COPB2: variants seen among roughly 807,000 people sequenced by gnomAD.
The protein encoded by COPB2 is coatomer subunit beta'.
In COPB2, 16 loss-of-function variants were observed where a neutral mutation model predicts 120.8. The observed-to-expected ratio is 0.13, with a 90% CI of 0.09 to 0.20. COPB2 has a LOEUF of 0.20. COPB2 is among the 10% of genes least tolerant of loss of function. COPB2 has a pLI of 1.00. For missense variants in COPB2, 794 were observed against 1,076.5 expected, an observed-to-expected ratio of 0.74 and a Z score of 3.67; for synonymous variants, 332 against 366.3, an observed-to-expected ratio of 0.91 and a Z score of 1.07.
intron 1 of COPB2, chr3:139,388,144 A>G (rs1309347778): frequency 6.6e-6 from 1 of 152,204 alleles, no homozygotes; most frequent in African/African-American, 2.4e-5. Context: ...AGCCTTTTCC[A>G]AAAACGTCCA....
chr3:139,368,347 T>C, intron 12 of COPB2, 59 bp from the exon 13 acceptor site: 1 of 1,508,562 alleles, frequency 6.6e-7, no homozygotes, highest in Non-Finnish European at 9.0e-7. Flanking sequence ...TATGACAAAC[T>C]GCACATACTT....
intron 6 of COPB2, 28 bp downstream of exon 6, chr3:139,375,440 A>G: frequency 2.5e-6 from 4 of 1,598,552 alleles, no homozygotes; most frequent in Non-Finnish European, 3.4e-6. Context: ...TATCTAACAT[A>G]TGGAAGTAAG....
intron 5 of COPB2, among the ~76,000 whole-genome samples, chr3:139,377,536 G>A (rs1050696973): frequency 3.3e-5 from 5 of 152,208 alleles, no homozygotes; most frequent in African/African-American, 1.2e-4. Context: ...CATAATATTA[G>A]CCCAGGCTAG....
chr3:139,358,212 G>T lies in COPB2; in HGVS notation c.2613C>A (p.Asn871Lys), dbSNP rs748267257. Residue 871 changes from asparagine to lysine, a missense_variant, in exon 21 of 22, where the codon AAC becomes AAA. Around this residue, in one of 3 missense-constraint regions of COPB2, gnomAD observed 178 missense variants for 183.2 expected, o/e 0.97. Transcript: ENST00000333188. The stretch of plus-strand genomic sequence containing the variant: ...ATGTCTGACCTACCTTTTCTTCTTT[G>T]TTGGCTGTGTGGGAGGCCACAATAA... ...TPVIVASHTA[N>K]KEEKSLLELE... The T allele has an allele frequency of 6.2e-7, 1 of 1,613,968 alleles. No homozygotes were observed. Among genetic ancestry groups the T allele is most frequent in the Non-Finnish European group, 8.5e-7 (1 of 1,179,958 alleles).
intron 17 of COPB2, among the ~76,000 whole-genome samples, chr3:139,359,622 A>G (rs1276178468): frequency 6.6e-6 from 1 of 152,132 alleles, no homozygotes; most frequent in Admixed American, 6.5e-5. Flanking sequence ...GCTTTTCAAG[A>G]GGAGTTAAGG....
Position 139,379,097 on chromosome 3 carries a change from A to G in COPB2, c.305T>C (p.Ile102Thr). ...VHMFEAHSDY[I>T]RCIAVHPTQP... ...GGTTGGATGAACAGCAATACAGCGAATGTAGTCTGAGTGTGCTTCAAACAT... is the reference window on the plus strand; with the variant it reads ...GGTTGGATGAACAGCAATACAGCGAGTGTAGTCTGAGTGTGCTTCAAACAT... Residue 102 changes from isoleucine to threonine, a missense_variant, in exon 4 of 22, where the codon ATT (isoleucine) becomes ACT (threonine). Physicochemically the swap from Ile to Thr is moderately conservative, Grantham distance 89. This residue lies in a region of COPB2 where 610 missense variants were observed against 866.7 expected (regional missense o/e 0.70). Coordinates refer to ENST00000333188, the MANE Select transcript of COPB2 (RefSeq NM_004766.3). 6.2e-7 allele frequency: 1 copy of G among 1,612,874 alleles called. No homozygotes were observed. The highest frequency in any genetic ancestry group is 8.5e-7 in the Non-Finnish European group (1 of 1,179,668).
intron 5 of COPB2, among the ~76,000 whole-genome samples, chr3:139,375,879 G>A (rs1046473986): frequency 1.1e-4 from 17 of 152,098 alleles, no homozygotes; most frequent in Admixed American, 4.6e-4. Flanking sequence ...CCACAGTGAC[G>A]CCCAGGAATC....
intron 6 of COPB2, among the ~76,000 whole-genome samples, chr3:139,375,263 A>C: frequency 6.6e-6 from 1 of 152,214 alleles, no homozygotes; most frequent in Non-Finnish European, 1.5e-5. Context: ...TGAAATATGA[A>C]CATGTTGGTA....
intron 1 of COPB2, among the ~76,000 whole-genome samples, chr3:139,388,718 C>T (rs1941985727): frequency 1.3e-5 from 2 of 150,600 alleles, no homozygotes; most frequent in Admixed American, 6.6e-5. Flanking sequence ...CTCTGCCTCC[C>T]GGGTTCAAGC....
intron 12 of COPB2, among the ~76,000 whole-genome samples, chr3:139,368,722 T>G (rs1941568677): frequency 6.6e-6 from 1 of 152,176 alleles, no homozygotes; most frequent in Non-Finnish European, 1.5e-5. Flanking sequence ...TATGCTTTAT[T>G]CATAAAGAGT....
chr3:139,385,433 G>C (rs898219161), intron 1 of COPB2: 2 of 152,044 alleles, frequency 1.3e-5, no homozygotes, highest in African/African-American at 4.8e-5. Context: ...TGAAGTCCTA[G>C]TAACCATAAA....
At chr3:139,368,073 G>A in intron 13 of COPB2, 72 bp downstream of exon 13, 1 of 1,478,000 alleles carries the variant, frequency 6.8e-7, no homozygotes, top group Non-Finnish European at 9.1e-7. Context: ...GTTAAAATCA[G>A]TAAAGTCTGT....
chr3:139,379,449 A>C lies in COPB2; in HGVS notation c.159T>G (p.Phe53Leu). 2.5e-6 allele frequency: 4 copies of C among 1,614,072 alleles called. No individual in the cohort carries two copies. The highest frequency in any genetic ancestry group is 3.4e-6 in the Non-Finnish European group (4 of 1,179,968). ...NHETQTLVKT[F>L]EVCDLPVRAA... is the part of the protein sequence containing the mutation. Reference sequence around the variant, plus strand: ...CTCGAACAGGAAGATCACATACTTCAAATGTCTTCACCAGTGTCTTTAAAA... The same window carrying C: ...CTCGAACAGGAAGATCACATACTTCCAATGTCTTCACCAGTGTCTTTAAAA... The change falls in exon 3 of 22, where the codon TTT becomes TTG. Residue 53 changes from phenylalanine (F) to leucine (L), a missense_variant. This residue lies in a region of COPB2 where 610 missense variants were observed against 866.7 expected (regional missense o/e 0.70). Coordinates refer to ENST00000333188, the MANE Select transcript of COPB2 (RefSeq NM_004766.3).
Position 139,379,452 on chromosome 3 carries a change from T to C in COPB2, c.156A>G (p.Thr52=), listed in dbSNP as rs770419250. The C allele has an allele frequency of 1.2e-6, 2 of 1,614,004 alleles. No individual in the cohort carries two copies. Among genetic ancestry groups the C allele is most frequent in the South Asian group, 2.2e-5 (2 of 91,044 alleles). The part of the protein sequence containing the change: ...WNHETQTLVK[T]FEVCDLPVRA... ...GAACAGGAAGATCACATACTTCAAA[T>C]GTCTTCACCAGTGTCTTTAAAATGT... is the stretch of plus-strand genomic sequence containing the variant. The change falls in exon 3 of 22, where the codon ACA becomes ACG. Residue 52 remains threonine (T), a synonymous_variant. Transcript: ENST00000333188.
At chr3:139,382,896 A>C in intron 2 of COPB2, 1 of 190,436 alleles carries the variant, frequency 5.3e-6, no homozygotes, top group Non-Finnish European at 1.1e-5. Context: ...TGGCTGAGTG[A>C]AAGATTTATC....
rs1442339168 is a variant in COPB2, at chr3:139,389,632, G to T, written c.-82C>A. On this transcript the variant is annotated 5_prime_UTR_variant, in exon 1 of 22. Transcript: ENST00000333188. Reference sequence around the variant, plus strand: ...AGATAAACCCACCGATCCACTGACCGTCAGACTGACTGACGTGGAACTTCC... The same window carrying T: ...AGATAAACCCACCGATCCACTGACCTTCAGACTGACTGACGTGGAACTTCC... The T allele has an allele frequency of 1.4e-6, 2 of 1,395,196 alleles. No homozygotes were observed. The highest frequency in any genetic ancestry group is 2.0e-6 in the Non-Finnish European group (2 of 1,017,568). The allele number at this position is 1,395,196 out of a possible 1,614,324, so 86.4% of individuals were successfully genotyped here.
chr3:139,378,206 T>A lies in COPB2; in HGVS notation c.356-17A>T. ...GCATGTCATCTAGGCCAAAAGAAAG[T>A]CTCAAGTTAGTTGTAATTCTATTTT... On this transcript the variant is annotated splice_polypyrimidine_tract_variant and intron_variant, in intron 4 of 21. Transcript: ENST00000333188. The A allele has an allele frequency of 6.6e-7, 1 of 1,520,820 alleles. No homozygotes were observed. Among genetic ancestry groups the A allele is most frequent in the Non-Finnish European group, 9.0e-7 (1 of 1,115,544 alleles). The allele number at this position is 1,520,820 out of a possible 1,614,324, so 94.2% of individuals were successfully genotyped here. A position where few individuals can be genotyped will look rare whatever the true frequency, so the allele number is the denominator to read the frequency against.
At position 139,360,646 on chromosome 3, in the gene COPB2, A is replaced by G. The variant is rs146869329; in HGVS notation, c.2210+435T>C. Among the ~76,000 whole-genome samples the G allele has an allele frequency of 3.3e-4, 50 of 152,108 alleles. No individual in the cohort carries two copies. In the East Asian group the frequency reaches 9.5e-3, roughly 29 times the overall value. ...AAAATATGAGACATCTTTATGCTTT[A>G]TAGTGGGCTCAAATCTACAAGTAAG... On this transcript the variant is annotated intron_variant, in intron 17 of 21. Coordinates refer to ENST00000333188, the MANE Select transcript of COPB2 (RefSeq NM_004766.3).
Position 139,368,264 on chromosome 3 carries a change from G to C in COPB2, c.1426C>G (p.Leu476Val). Residue 476 changes from leucine (L) to valine (V), a missense_variant, in exon 13 of 22, where the codon CTA becomes GTA. Around this residue, in one of 3 missense-constraint regions of COPB2, gnomAD observed 610 missense variants for 866.7 expected, o/e 0.70. Coordinates refer to ENST00000333188, the MANE Select transcript of COPB2 (RefSeq NM_004766.3). Reference protein sequence around the residue: ...KHIFWSDSGELVCIATEESFF... With the variant: ...KHIFWSDSGEVVCIATEESFF... ...GATTCCTCAGTAGCAATACAGACTA[G>C]CTCTCCAGAGTCAGACCAGAAAATC... 6.2e-7 allele frequency: 1 copy of C among 1,611,642 alleles called. No homozygotes were observed. The highest frequency in any genetic ancestry group is 1.1e-5 in the South Asian group (1 of 90,436).
Sources: gnomAD v4.1 joint callset for allele counts (sites outside exome capture counted in the v4.1 genomes callset) on GRCh38, gnomAD v4.1.1 for gene constraint, gnomAD v4.1.1 regional missense constraint, MANE v1.5 for transcripts, NCBI Gene and HGNC (gene_info 2026-07-23, HGNC 2026-07-21) for gene names.